Variants in MCTP1 observed in about 807,000 individuals in gnomAD.
MCTP1 encodes multiple C2 and transmembrane domain-containing protein 1.
MCTP1 carries 69 observed loss-of-function variants against 120.6 expected under a neutral mutation model. That is an observed-to-expected ratio of 0.57 (90% CI 0.47 to 0.70). MCTP1 has a LOEUF of 0.70. MCTP1 is among the 30% of genes least tolerant of loss of function. The pLI is 0.00. For missense variants in MCTP1, 1,203 were observed against 1,248.8 expected (o/e 0.96, Z 0.55); for synonymous variants, 529 against 493.1 (o/e 1.07, Z -0.96).
chr5:94,751,015 C>A (rs2152802000), intron 19 of MCTP1, among the ~76,000 whole-genome samples: 1 of 152,282 alleles, frequency 6.6e-6, no homozygotes, highest in East Asian at 1.9e-4. Flanking sequence ...ACTTTCTAAT[C>A]CCTGCAACTG....
At chr5:94,867,508 A>G in intron 17 of MCTP1, 1 of 610,434 alleles carries the variant, frequency 1.6e-6, no homozygotes, top group Admixed American at 2.4e-5. Context: ...ATAAAGTCGT[A>G]TTCTGCTAAA....
At position 95,122,173 on chromosome 5, in the gene MCTP1, TGAACA is replaced by T. The variant is rs972601143; in HGVS notation, c.721-104694_721-104690del. On this transcript the variant is annotated intron_variant, in intron 1 of 22. Transcript: ENST00000515393. ...GGATTACATCAAACTGAAAAGCTTC[TGAACA>T]GCCAAGTAAACAATCAACAAAGTGA... 2.1e-4 allele frequency among the ~76,000 whole-genome samples: 32 copies of T among 152,198 alleles called. No individual in the cohort carries two copies. The East Asian group carries it at 6.2e-3, about 29-fold the overall frequency.
chr5:95,214,370 T>C (rs1465391674), intron 1 of MCTP1, among the ~76,000 whole-genome samples: 2 of 151,772 alleles, frequency 1.3e-5, no homozygotes, highest in Admixed American at 6.6e-5. Flanking sequence ...AAACAACAGG[T>C]GCTGGAGAGG....
chr5:94,714,121 C>T (rs955956505), intron 20 of MCTP1, among the ~76,000 whole-genome samples: 1 of 151,914 alleles, frequency 6.6e-6, no homozygotes, highest in Non-Finnish European at 1.5e-5. Context: ...AGATAAAACA[C>T]ATACGTATAT....
rs564493459 is a variant in MCTP1 at position 95,113,627 on chromosome 5, G to A, written c.721-96143C>T. Among the ~76,000 whole-genome samples the A allele has an allele frequency of 2.0e-4, 30 of 152,310 alleles. 1 individual carries two copies. In the South Asian group the frequency reaches 5.8e-3, roughly 29 times the overall value. On this transcript the variant is annotated intron_variant, in intron 1 of 22. Transcript: ENST00000515393. ...CCAGAAAGGAATTGTCCTCCCAGTGGTTGGAATTTGAGTTCCTGCAAGCCT... is the reference window on the plus strand; with the variant it reads ...CCAGAAAGGAATTGTCCTCCCAGTGATTGGAATTTGAGTTCCTGCAAGCCT...
Position 95,074,778 on chromosome 5 carries a change from C to T in MCTP1, c.721-57294G>A, listed in dbSNP as rs898625530. Reference sequence around the variant, plus strand: ...AAAAATATGGCTCAAAAAAATGTTTCGTGGCCACAAGGAAATTAGGTCAAG... The same window carrying T: ...AAAAATATGGCTCAAAAAAATGTTTTGTGGCCACAAGGAAATTAGGTCAAG... On this transcript the variant is annotated intron_variant, in intron 1 of 22. Coordinates refer to ENST00000515393, the MANE Select transcript of MCTP1 (RefSeq NM_024717.7). 8.5e-5 allele frequency among the ~76,000 whole-genome samples: 13 copies of T among 152,240 alleles called. No homozygotes were observed. The East Asian group carries it at 9.6e-4, about 11-fold the overall frequency.
chr5:94,980,234 A>G (rs1042295839), intron 2 of MCTP1, among the ~76,000 whole-genome samples: 1 of 152,188 alleles, frequency 6.6e-6, no homozygotes, highest in Admixed American at 6.5e-5. Flanking sequence ...CAGCAAAGCA[A>G]AACAAAGTCA....
intron 18 of MCTP1, among the ~76,000 whole-genome samples, chr5:94,784,002 A>T (rs1308276464): frequency 6.6e-6 from 1 of 152,082 alleles, no homozygotes; most frequent in Non-Finnish European, 1.5e-5. Context: ...TGCTTTACTC[A>T]AATATGGTCT....
chr5:95,211,864 C>G lies in MCTP1; in HGVS notation c.720+71992G>C, dbSNP rs188697195. ...ACAGATGGATTTTTGGTGTGGATGT[C>G]CTTTCTGTTTGTTAGTTTTCCTTCT... On this transcript the variant is annotated intron_variant, in intron 1 of 22. Transcript: ENST00000515393. Among the ~76,000 whole-genome samples, 325 of 152,192 alleles carry G rather than the reference C, an allele frequency of 2.1e-3. 1 individual carries two copies. Among genetic ancestry groups the G allele is most frequent in the African/African-American group, 7.0e-3 (290 of 41,530 alleles).
intron 19 of MCTP1, among the ~76,000 whole-genome samples, chr5:94,724,219 A>C (rs1044228775): frequency 1.3e-5 from 2 of 152,082 alleles, no homozygotes; most frequent in African/African-American, 4.8e-5. Context: ...CAGGAGGGAG[A>C]GTTCCCTGGA....
chr5:95,182,761 C>A (rs1748744836), intron 1 of MCTP1, among the ~76,000 whole-genome samples: 1 of 152,016 alleles, frequency 6.6e-6, no homozygotes, highest in African/African-American at 2.4e-5. Context: ...TGTTAACTGG[C>A]TTAAAGAATA....
chr5:94,832,609 AACAC>A (rs59233492), intron 17 of MCTP1, among the ~76,000 whole-genome samples: 49,358 of 146,948 alleles, frequency 0.34, 8,881 homozygotes, highest in Non-Finnish European at 0.42. Context: ...GGGCTAGCTG[AACAC>A]ACACACACAC....
intron 1 of MCTP1, among the ~76,000 whole-genome samples, chr5:95,026,089 A>G (rs1346341729): frequency 6.6e-6 from 1 of 152,114 alleles, no homozygotes; most frequent in African/African-American, 2.4e-5. Flanking sequence ...AATTTTCATT[A>G]CAGGAAAAAA....
chr5:95,156,683 G>T (rs545498784), intron 1 of MCTP1, among the ~76,000 whole-genome samples: 12 of 152,258 alleles, frequency 7.9e-5, no homozygotes, highest in African/African-American at 2.6e-4. Flanking sequence ...CTAATTAGGT[G>T]CCAACTTAAG....
At chr5:95,120,184 A>AAAC in intron 1 of MCTP1, among the ~76,000 whole-genome samples, 1 of 151,318 alleles carries the variant, frequency 6.6e-6, no homozygotes. Flanking sequence ...CTCAAAAAAA[A>AAAC]AAAAAAAAAG....
chr5:95,198,409 T>C (rs979422396), intron 1 of MCTP1, among the ~76,000 whole-genome samples: 5 of 152,172 alleles, frequency 3.3e-5, no homozygotes, highest in African/African-American at 1.2e-4. Flanking sequence ...TTTTTCACTT[T>C]TAGTACAGAA....
intron 1 of MCTP1, among the ~76,000 whole-genome samples, chr5:95,207,321 T>A (rs1404892418): frequency 1.3e-5 from 2 of 152,128 alleles, no homozygotes; most frequent in African/African-American, 4.8e-5. Flanking sequence ...GGGACATGAG[T>A]GTTTGATAAC....
intron 1 of MCTP1, among the ~76,000 whole-genome samples, chr5:95,279,325 A>G (rs1468700276): frequency 6.6e-6 from 1 of 152,228 alleles, no homozygotes; most frequent in South Asian, 2.1e-4. Context: ...TCAACATAAC[A>G]TATTCATTCT....
At chr5:95,113,148 T>C (rs1038311556) in intron 1 of MCTP1, among the ~76,000 whole-genome samples, 9 of 152,096 alleles carry the variant, frequency 5.9e-5, no homozygotes, top group African/African-American at 2.2e-4. Context: ...CATGCATTAA[T>C]TATGCAAATA....
Sources: gnomAD v4.1 joint callset for allele counts (sites outside exome capture counted in the v4.1 genomes callset) on GRCh38, gnomAD v4.1.1 for gene constraint, MANE v1.5 for transcripts, NCBI Gene and HGNC (gene_info 2026-07-23, HGNC 2026-07-21) for gene names.